SLFN12L: variants seen among roughly 807,000 people sequenced by gnomAD.
SLFN12L encodes the protein schlafen family member 12-like.
A neutral mutation model predicts 34.8 loss-of-function variants in SLFN12L; 34 were observed. The observed-to-expected ratio is 0.98, with a 90% CI of 0.74 to 1.30. The LOEUF (loss-of-function observed/expected upper bound fraction) is 1.30, where lower values mean the gene tolerates loss of function less well. Ranked by LOEUF, SLFN12L falls within the 50% of genes most tolerant of loss-of-function variation. The pLI is 0.00. For missense variants in SLFN12L, 703 were observed against 696.2 expected (o/e 1.01, Z -0.11); for synonymous variants, 259 against 247.5 (o/e 1.05, Z -0.44).
At chr17:35,511,553 T>C (rs910375770) in intron 2 of SLFN12L, among the ~76,000 whole-genome samples, 3 of 147,328 alleles carry the variant, frequency 2.0e-5, no homozygotes, top group Non-Finnish European at 4.4e-5. Flanking sequence ...CTGGGCAAGA[T>C]GGTGAGACCT....
chr17:35,495,954 C>A (rs964721579), intron 2 of SLFN12L, among the ~76,000 whole-genome samples: 2 of 149,708 alleles, frequency 1.3e-5, no homozygotes, highest in African/African-American at 2.5e-5. Flanking sequence ...CACAACAAAA[C>A]GCCAAGACGT....
At position 35,478,199 on chromosome 17, in the gene SLFN12L, T is replaced by A. The variant is rs1454434642; in HGVS notation, c.1166-14A>T. 1 of 1,497,122 alleles carries A rather than the reference T, an allele frequency of 6.7e-7. No individual in the cohort carries two copies. Among genetic ancestry groups the A allele is most frequent in the East Asian group, 2.5e-5 (1 of 40,440 alleles). The allele number at this position is 1,497,122 out of a possible 1,614,324, so 92.7% of individuals were successfully genotyped here. ...GTTCCTCACATACTATGGAATAATG[T>A]TAGAAAACAAAAATCACGCTCTTAA... On this transcript the variant is annotated splice_polypyrimidine_tract_variant and intron_variant, in intron 3 of 4. Coordinates refer to ENST00000628453, the MANE Select transcript of SLFN12L (RefSeq NM_001363830.2).
chr17:35,490,062 GCGGCGCCGTAGCCAC>G, intron 2 of SLFN12L: 2 of 1,606,140 alleles, frequency 1.2e-6, no homozygotes, highest in Middle Eastern at 1.7e-4. Flanking sequence ...TCCCTCCAAA[GCGGCGCCGTAGCCAC>G]CGGCCCCCTC....
chr17:35,529,654 C>T (rs924549507), intron 1 of SLFN12L, among the ~76,000 whole-genome samples: 22 of 146,912 alleles, frequency 1.5e-4, no homozygotes, highest in East Asian at 6.0e-4. Flanking sequence ...TGAGAACACA[C>T]GGACACATAA....
At chr17:35,484,398 C>G (rs556764716) in intron 2 of SLFN12L, among the ~76,000 whole-genome samples, 1 of 152,280 alleles carries the variant, frequency 6.6e-6, no homozygotes, top group Admixed American at 6.5e-5. Flanking sequence ...GAAGGAAAAG[C>G]TTTGGTTCAG....
intron 2 of SLFN12L, chr17:35,488,007 G>A (rs1914671120): frequency 3.1e-6 from 2 of 650,518 alleles, no homozygotes; most frequent in African/African-American, 3.6e-5. Context: ...AGGAGATAGA[G>A]ACCATCCTGG....
intron 2 of SLFN12L, among the ~76,000 whole-genome samples, chr17:35,507,056 C>G (rs978352811): frequency 1.3e-5 from 2 of 152,234 alleles, no homozygotes; most frequent in Non-Finnish European, 2.9e-5. Context: ...CAGGACTGGA[C>G]AGCCCCCACT....
intron 2 of SLFN12L, chr17:35,498,476 G>A: frequency 2.5e-6 from 3 of 1,220,708 alleles, no homozygotes; most frequent in Non-Finnish European, 3.7e-6. Context: ...CTGATTCCCC[G>A]CATAGCCACG....
At chr17:35,509,771 C>T (rs1426438726) in intron 2 of SLFN12L, among the ~76,000 whole-genome samples, 1 of 151,726 alleles carries the variant, frequency 6.6e-6, no homozygotes, top group Admixed American at 6.6e-5. Context: ...GATCTCAGCT[C>T]ACTGCAAGCT....
chr17:35,514,893 G>A, intron 2 of SLFN12L: 2 of 411,374 alleles, frequency 4.9e-6, no homozygotes, highest in South Asian at 2.0e-5. Flanking sequence ...AGTAACCACT[G>A]TGGCTGTCCA....
Position 35,475,021 on chromosome 17 carries a change from A to C in SLFN12L, c.1741T>G (p.Ser581Ala). ...TGATTCTCCTTAGGTAAGATATTTG[A>C]AAGGGCCTTTTCCAAGTCTTTCATT... ...QTMKDLEKALSNILPKENQIF... is the reference protein window; with the variant it reads ...QTMKDLEKALANILPKENQIF... Residue 581 changes from serine (S) to alanine (A), a missense_variant, in exon 5 of 5, where the codon TCA becomes GCA. Ser to Ala is a moderately conservative substitution (Grantham distance 99). Coordinates refer to ENST00000628453, the MANE Select transcript of SLFN12L (RefSeq NM_001363830.2). 6.3e-7 allele frequency: 1 copy of C among 1,598,988 alleles called. No individual in the cohort carries two copies. The highest frequency in any genetic ancestry group is 8.5e-7 in the Non-Finnish European group (1 of 1,171,124).
intron 2 of SLFN12L, among the ~76,000 whole-genome samples, chr17:35,482,669 CCTT>C (rs1449996079): frequency 6.6e-6 from 1 of 152,196 alleles, no homozygotes; most frequent in Non-Finnish European, 1.5e-5. Flanking sequence ...CCTGGCTTCT[CCTT>C]CTCCCTGCTG....
intron 2 of SLFN12L, among the ~76,000 whole-genome samples, chr17:35,510,754 A>G (rs1018160981): frequency 1.3e-5 from 2 of 152,198 alleles, no homozygotes; most frequent in Admixed American, 6.5e-5. Flanking sequence ...TTTTAAAAAA[A>G]GGAAAACAGT....
chr17:35,474,885 C>G lies in SLFN12L; in HGVS notation c.*38G>C. Reference sequence around the variant, plus strand: ...GGCAGAGGTTGCAGTGAGTCGAGATCGTGTCACTACACTCCAGTCTGGGTG... The same window carrying G: ...GGCAGAGGTTGCAGTGAGTCGAGATGGTGTCACTACACTCCAGTCTGGGTG... On this transcript the variant is annotated 3_prime_UTR_variant, in exon 5 of 5. Coordinates refer to ENST00000628453, the MANE Select transcript of SLFN12L (RefSeq NM_001363830.2). The G allele has an allele frequency of 6.7e-7, 1 of 1,492,934 alleles. No individual in the cohort carries two copies. The highest frequency in any genetic ancestry group is 2.5e-5 in the East Asian group (1 of 40,658). 92.5% of individuals were successfully genotyped at this position (1,492,934 alleles called of 1,614,324 possible).
At chr17:35,523,346 C>G (rs1157179705) in intron 1 of SLFN12L, among the ~76,000 whole-genome samples, 1 of 152,184 alleles carries the variant, frequency 6.6e-6, no homozygotes, top group Non-Finnish European at 1.5e-5. Flanking sequence ...GCATGAATCT[C>G]AAAATGTCCC....
chr17:35,475,524 A>G, intron 4 of SLFN12L, 39 bp from the exon 5 acceptor site: 1 of 1,501,218 alleles, frequency 6.7e-7, no homozygotes, highest in African/African-American at 1.4e-5. Context: ...AAAGACTGAG[A>G]ACTTCCAACT....
chr17:35,525,449 G>A (rs1567689463), intron 1 of SLFN12L, among the ~76,000 whole-genome samples: 2 of 152,130 alleles, frequency 1.3e-5, no homozygotes, highest in South Asian at 2.1e-4. Context: ...AATGTTAAGG[G>A]CAGCCAGAGA....
chr17:35,522,912 T>C lies in SLFN12L; in HGVS notation c.-548A>G. On this transcript the variant is annotated 5_prime_UTR_variant, in exon 2 of 5. Coordinates refer to ENST00000628453, the MANE Select transcript of SLFN12L (RefSeq NM_001363830.2). Reference sequence around the variant, plus strand: ...TATTAACTCCTCTAATCCTTCATTCTGTGAGGACAGCTCCTTCCAGAGGGA... The same window carrying C: ...TATTAACTCCTCTAATCCTTCATTCCGTGAGGACAGCTCCTTCCAGAGGGA... 1 of 654,932 alleles carries C rather than the reference T, an allele frequency of 1.5e-6. No individual in the cohort carries two copies. Among genetic ancestry groups the C allele is most frequent in the East Asian group, 2.7e-5 (1 of 37,134 alleles). 40.6% of individuals were successfully genotyped at this position (654,932 alleles called of 1,614,324 possible).
intron 2 of SLFN12L, among the ~76,000 whole-genome samples, chr17:35,518,656 T>C (rs768261486): frequency 1.3e-5 from 2 of 151,732 alleles, no homozygotes; most frequent in African/African-American, 4.8e-5. Flanking sequence ...AGATAGCATC[T>C]CACACCAGTT....
Sources: allele counts gnomAD v4.1 joint callset (sites outside exome capture counted in the v4.1 genomes callset), GRCh38; gene constraint gnomAD v4.1.1; transcripts MANE v1.5; gene names NCBI Gene and HGNC (gene_info 2026-07-23, HGNC 2026-07-21).